Variants in HSD17B12 observed in about 807,000 individuals in gnomAD.
HSD17B12 encodes the protein very-long-chain 3-oxoacyl-CoA reductase.
Under a neutral mutation model 39.3 loss-of-function variants are expected in HSD17B12, and 32 were observed. The observed-to-expected ratio is 0.81, with a 90% CI of 0.61 to 1.09. The LOEUF (loss-of-function observed/expected upper bound fraction) is 1.09. Ranked by LOEUF, HSD17B12 falls within the 50% of genes least tolerant of loss-of-function variation. The pLI is 0.00. For synonymous variants in HSD17B12, 150 were observed against 146.7 expected (o/e 1.02, Z -0.16); for missense variants, 342 against 382.9 (o/e 0.89, Z 0.89).
At chr11:43,723,354 C>T (rs1218111297) in intron 1 of HSD17B12, among the ~76,000 whole-genome samples, 1 of 152,018 alleles carries the variant, frequency 6.6e-6, no homozygotes, top group African/African-American at 2.4e-5. Context: ...GCGTTTTCAC[C>T]CCTTTTCAAG....
At chr11:43,846,892 C>A (rs1951481260) in intron 9 of HSD17B12, among the ~76,000 whole-genome samples, 1 of 152,188 alleles carries the variant, frequency 6.6e-6, no homozygotes, top group African/African-American at 2.4e-5. Context: ...TTCCACATGT[C>A]TTCAGTCAAG....
At chr11:43,649,402 A>G in the HSD17B12 span, among the ~76,000 whole-genome samples, 15 of 152,298 alleles carry the variant, frequency 9.8e-5, no homozygotes, top group African/African-American at 3.4e-4. Flanking sequence ...TATAAAGTAA[A>G]TGAAACACAC....
intron 1 of HSD17B12, among the ~76,000 whole-genome samples, chr11:43,750,146 C>G (rs997902596): frequency 2.0e-5 from 3 of 152,068 alleles, no homozygotes; most frequent in Non-Finnish European, 4.4e-5. Flanking sequence ...CTCAGTGAAT[C>G]TACACACACA....
intron 7 of HSD17B12, chr11:43,838,088 T>C (rs1951388626): frequency 3.8e-6 from 2 of 524,934 alleles, no homozygotes; most frequent in East Asian, 6.3e-5. Context: ...CCTGGGTTAC[T>C]AAGACTGGGA....
rs150725918 is a variant in HSD17B12 at position 43,683,139 on chromosome 11, T to C, written c.160+2152T>C. Among the ~76,000 whole-genome samples, 24 of 150,868 alleles carry C rather than the reference T, an allele frequency of 1.6e-4. No individual in the cohort carries two copies. In the East Asian group the frequency reaches 4.3e-3, roughly 27 times the overall value. ...TTTTTTCTCTTTAAAATTGACCATA[T>C]TGGTTGATTATTCAAATGATAAGTC... On this transcript the variant is annotated intron_variant, in intron 1 of 10. Transcript: ENST00000278353.
intron 3 of HSD17B12, among the ~76,000 whole-genome samples, chr11:43,772,797 C>T (rs140102093): frequency 1.2e-3 from 177 of 152,100 alleles, no homozygotes; most frequent in African/African-American, 4.1e-3. Context: ...AACAGATTTT[C>T]ACCTGATTTG....
the HSD17B12 span, among the ~76,000 whole-genome samples, chr11:43,649,124 T>TA: frequency 1.3e-5 from 2 of 151,852 alleles, no homozygotes; most frequent in Admixed American, 6.6e-5. Context: ...TTTTTTTTTT[T>TA]AATTATTAAC....
chr11:43,594,387 T>C, the HSD17B12 span, among the ~76,000 whole-genome samples: 1 of 152,022 alleles, frequency 6.6e-6, no homozygotes, highest in South Asian at 2.1e-4. Context: ...AATACATATT[T>C]GATTTCAGGA....
intron 3 of HSD17B12, 137 bp downstream of exon 3, chr11:43,754,258 A>ATCCTGTGCTTTTT: frequency 1.6e-6 from 1 of 641,604 alleles, no homozygotes; most frequent in Non-Finnish European, 2.7e-6. Flanking sequence ...ATGAAAAAGC[A>ATCCTGTGCTTTTT]CAGGATGCTT....
chr11:43,842,466 G>T lies in HSD17B12; in HGVS notation c.684+2402G>T, dbSNP rs150232757. The stretch of plus-strand genomic sequence containing the variant: ...GACTTGCAGCTTCCCATATGTATAG[G>T]TTTCATTCGGAAGGACATGTGTTCT... On this transcript the variant is annotated intron_variant, in intron 9 of 10. Transcript: ENST00000278353. Among the ~76,000 whole-genome samples the T allele has an allele frequency of 4.3e-3, 662 of 152,234 alleles. 5 individuals are homozygous for T. Among genetic ancestry groups the T allele is most frequent in the African/African-American group, 0.015 (642 of 41,538 alleles).
At chr11:43,768,749 G>A (rs181529727) in intron 3 of HSD17B12, among the ~76,000 whole-genome samples, 2 of 152,320 alleles carry the variant, frequency 1.3e-5, no homozygotes, top group African/African-American at 4.8e-5. Context: ...CCACAGCACA[G>A]AAGGAGACCA....
chr11:43,745,113 A>G (rs1181823045), intron 1 of HSD17B12, among the ~76,000 whole-genome samples: 1 of 151,974 alleles, frequency 6.6e-6, no homozygotes, highest in Non-Finnish European at 1.5e-5. Flanking sequence ...TCCATTACAA[A>G]CTCCAACAAC....
At chr11:43,672,051 T>C in the HSD17B12 span, among the ~76,000 whole-genome samples, 3 of 152,162 alleles carry the variant, frequency 2.0e-5, no homozygotes, top group Non-Finnish European at 4.4e-5. Flanking sequence ...TTATTTTTTA[T>C]TTTTTATTTT....
At chr11:43,654,501 T>A in the HSD17B12 span, among the ~76,000 whole-genome samples, 51 of 152,044 alleles carry the variant, frequency 3.4e-4, no homozygotes, top group African/African-American at 1.2e-3. Context: ...ATTGCCTAGG[T>A]TTTCTTCTAG....
At chr11:43,766,859 GT>G (rs1207946050) in intron 3 of HSD17B12, among the ~76,000 whole-genome samples, 1 of 152,144 alleles carries the variant, frequency 6.6e-6, no homozygotes, top group Non-Finnish European at 1.5e-5. Flanking sequence ...CTAACTAAAC[GT>G]TTTCTCTAAG....
intron 9 of HSD17B12, among the ~76,000 whole-genome samples, chr11:43,845,079 G>A (rs1317198344): frequency 1.3e-5 from 2 of 152,132 alleles, no homozygotes; most frequent in Non-Finnish European, 2.9e-5. Context: ...CTAGAGCCTT[G>A]ACCTCCCAGG....
intron 6 of HSD17B12, among the ~76,000 whole-genome samples, chr11:43,826,788 G>A (rs1464229): frequency 0.64 from 96,795 of 151,988 alleles, 31,266 homozygotes; most frequent in East Asian, 0.71. Context: ...CTTTTTTACC[G>A]CGGTGCTCAA....
the HSD17B12 span, among the ~76,000 whole-genome samples, chr11:43,638,081 G>A: frequency 2.0e-5 from 3 of 152,158 alleles, no homozygotes; most frequent in Non-Finnish European, 4.4e-5. Flanking sequence ...CAGACTGAGA[G>A]AGGCAGCAGT....
chr11:43,578,497 C>T, the HSD17B12 span, among the ~76,000 whole-genome samples: 1 of 152,308 alleles, frequency 6.6e-6, no homozygotes, highest in African/African-American at 2.4e-5. Flanking sequence ...TGCAGAATAA[C>T]ACAAATAACG....
Sources: allele counts gnomAD v4.1 joint callset (sites outside exome capture counted in the v4.1 genomes callset), GRCh38; gene constraint gnomAD v4.1.1; transcripts MANE v1.5; gene names NCBI Gene and HGNC (gene_info 2026-07-23, HGNC 2026-07-21).